The following NACC2 variants were observed in gnomAD, a reference collection of about 807,000 sequenced individuals.
NACC2 encodes NACC family member 2, also known as nucleus accumbens-associated protein 2.
NACC2 carries 8 observed loss-of-function variants against 25.1 expected under a neutral mutation model. That is an observed-to-expected ratio of 0.32 (90% CI 0.19 to 0.57). The LOEUF (loss-of-function observed/expected upper bound fraction) is 0.57, where lower values mean the gene tolerates loss of function less well. NACC2 is among the 20% of genes least tolerant of loss of function. The pLI is 0.89. For missense variants in NACC2, 644 were observed against 650.2 expected (o/e 0.99, Z 0.10); for synonymous variants, 435 against 294.7 (o/e 1.48, Z -4.88).
intron 2 of NACC2, among the ~76,000 whole-genome samples, chr9:136,033,036 C>T (rs1840496587): frequency 6.6e-6 from 1 of 151,730 alleles, no homozygotes; most frequent in African/African-American, 2.4e-5. Context: ...ATAAGTTGGG[C>T]ATGGTGGCAC....
At chr9:136,051,797 C>T (rs931868167) in intron 1 of NACC2, among the ~76,000 whole-genome samples, 3 of 152,014 alleles carry the variant, frequency 2.0e-5, no homozygotes, top group Middle Eastern at 3.2e-3. Flanking sequence ...TCCCCGCACG[C>T]AGCCCGCCTG....
intron 1 of NACC2, among the ~76,000 whole-genome samples, chr9:136,093,738 G>A (rs1830456507): frequency 6.6e-6 from 1 of 152,236 alleles, no homozygotes; most frequent in South Asian, 2.1e-4. Context: ...TTTAAGGGAG[G>A]GGCTGGGAAA....
At position 136,008,450 on chromosome 9, in the gene NACC2, A is replaced by C; in HGVS notation, c.*3066T>G. Reference sequence around the variant, plus strand: ...TGGAGATAACGTAGCTCTGTAATAGATTCTATATAGGATATGCGTATTGCT... The same window carrying C: ...TGGAGATAACGTAGCTCTGTAATAGCTTCTATATAGGATATGCGTATTGCT... On this transcript the variant is annotated 3_prime_UTR_variant, in exon 6 of 6. Transcript: ENST00000277554. The C allele has an allele frequency of 6.6e-6, 1 of 152,268 alleles. No individual in the cohort carries two copies. The highest frequency in any genetic ancestry group is 1.9e-4 in the East Asian group (1 of 5,200). The allele number at this position is 152,268 out of a possible 1,614,324, so 9.4% of individuals were successfully genotyped here. A position where few individuals can be genotyped will look rare whatever the true frequency, so the allele number is the denominator to read the frequency against.
chr9:136,022,428 G>T lies in NACC2; in HGVS notation c.887-5999C>A, dbSNP rs891648768. ...ACTTGCTTCCCAGCTCCCCGCCCAG[G>T]TGCCTCCTGATGGCCAGAGCCCAGG... On this transcript the variant is annotated intron_variant, in intron 2 of 5. Transcript: ENST00000277554. The surrounding 1 kb of genome is among the most constrained non-coding windows in gnomAD (Gnocchi z 4.4). Among the ~76,000 whole-genome samples the T allele has an allele frequency of 6.6e-6, 1 of 152,214 alleles. No homozygotes were observed. The highest frequency in any genetic ancestry group is 1.5e-5 in the Non-Finnish European group (1 of 68,030).
rs573052153 is a variant in NACC2 at position 136,087,647 on chromosome 9, G to A, written c.-60+7542C>T. Among the ~76,000 whole-genome samples, 114 of 152,306 alleles carry A rather than the reference G, an allele frequency of 7.5e-4. 1 individual carries two copies. The highest frequency in any genetic ancestry group is 1.2e-3 in the Non-Finnish European group (83 of 68,022). ...GAAAGCAGGATACGGTACCCCATTCGGAGCTCACAGCGGGAAAACTGAGAC... is the reference window on the plus strand; with the variant it reads ...GAAAGCAGGATACGGTACCCCATTCAGAGCTCACAGCGGGAAAACTGAGAC... On this transcript the variant is annotated intron_variant, in intron 1 of 5. Transcript: ENST00000277554.
chr9:136,086,143 T>A lies in NACC2; in HGVS notation c.-60+9046A>T, dbSNP rs962304302. 6.6e-5 allele frequency among the ~76,000 whole-genome samples: 10 copies of A among 152,238 alleles called. No individual in the cohort carries two copies. Among genetic ancestry groups the A allele is most frequent in the Non-Finnish European group, 1.3e-4 (9 of 68,028 alleles). Reference sequence around the variant, plus strand: ...ACCAAGTCACCCCTGGGGACCCTTGTTGGACATTCTAAAAACCTTCAGAAG... The same window carrying A: ...ACCAAGTCACCCCTGGGGACCCTTGATGGACATTCTAAAAACCTTCAGAAG... On this transcript the variant is annotated intron_variant, in intron 1 of 5. Transcript: ENST00000277554. The surrounding 1 kb of genome is among the most constrained non-coding windows in gnomAD (Gnocchi z 5.6).
At chr9:136,066,558 A>C (rs1303848394) in intron 1 of NACC2, among the ~76,000 whole-genome samples, 1 of 152,214 alleles carries the variant, frequency 6.6e-6, no homozygotes, top group African/African-American at 2.4e-5. Context: ...TGTTAGGGCC[A>C]CTTATGGAAA....
chr9:136,072,067 G>A (rs554689455), intron 1 of NACC2, among the ~76,000 whole-genome samples: 2 of 152,048 alleles, frequency 1.3e-5, no homozygotes, highest in South Asian at 2.1e-4. Flanking sequence ...GTGAAACCCC[G>A]TCTGTACTAG....
chr9:136,092,977 C>A (rs987572041), intron 1 of NACC2, among the ~76,000 whole-genome samples: 1 of 152,170 alleles, frequency 6.6e-6, no homozygotes. Flanking sequence ...TAGAACAGGG[C>A]TGGCTGAGGA....
rs746728669 is a variant in NACC2, at chr9:136,011,864, G to A, written c.1416C>T (p.Ser472=). ...GVEMYRTVMG[S]AAASVPLDPE... is the part of the protein sequence containing the mutation. Reference sequence around the variant, plus strand: ...GGTCGAGGGGCACGCTGGCGGCGGCGGAGCCCATGACCGTGCGGTACATCT... The same window carrying A: ...GGTCGAGGGGCACGCTGGCGGCGGCAGAGCCCATGACCGTGCGGTACATCT... Residue 472 remains serine (S), a synonymous_variant, in exon 6 of 6, where the codon TCC becomes TCT. Coordinates refer to ENST00000277554, the MANE Select transcript of NACC2 (RefSeq NM_144653.5). 61 of 1,564,348 alleles carry A rather than the reference G, an allele frequency of 3.9e-5. No individual in the cohort carries two copies. Among genetic ancestry groups the A allele is most frequent in the East Asian group, 2.4e-4 (10 of 41,854 alleles).
At chr9:136,035,673 C>T (rs1000382407) in intron 2 of NACC2, among the ~76,000 whole-genome samples, 2 of 150,868 alleles carry the variant, frequency 1.3e-5, no homozygotes, top group Non-Finnish European at 2.9e-5. Context: ...GAATTTTGCA[C>T]AGCGTACTGT....
At chr9:136,080,915 C>A (rs1402264430) in intron 1 of NACC2, among the ~76,000 whole-genome samples, 2 of 152,194 alleles carry the variant, frequency 1.3e-5, no homozygotes, top group Admixed American at 1.3e-4. Flanking sequence ...AAGCCCCAGC[C>A]GCTCGAGTAG....
chr9:136,021,862 C>T (rs1301176576), intron 2 of NACC2, among the ~76,000 whole-genome samples: 1 of 152,182 alleles, frequency 6.6e-6, no homozygotes, highest in African/African-American at 2.4e-5. Flanking sequence ...TACTGGTGAT[C>T]CCATTTGTAT....
chr9:136,053,615 G>C (rs1840881052), intron 1 of NACC2, among the ~76,000 whole-genome samples: 1 of 152,220 alleles, frequency 6.6e-6, no homozygotes, highest in African/African-American at 2.4e-5. Flanking sequence ...CCGGGCAGGG[G>C]GGTACAAGAG....
chr9:136,014,111 C>CA (rs2131132651), intron 3 of NACC2, 142 bp from the exon 4 acceptor site: 1 of 633,920 alleles, frequency 1.6e-6, no homozygotes, highest in Non-Finnish European at 2.7e-6. Flanking sequence ...TGGGGAGGAG[C>CA]AATTTGAGGT....
intron 2 of NACC2, among the ~76,000 whole-genome samples, chr9:136,038,822 C>T (rs1012493186): frequency 0.02 from 3,042 of 152,064 alleles, 94 homozygotes; most frequent in African/African-American, 0.067. Flanking sequence ...GAGATGCTAC[C>T]GTGCGGTCTA....
chr9:136,085,690 G>A (rs1390854325), intron 1 of NACC2, among the ~76,000 whole-genome samples: 1 of 152,162 alleles, frequency 6.6e-6, no homozygotes, highest in Non-Finnish European at 1.5e-5. Flanking sequence ...ATGCAGGGGA[G>A]GTTTACCTCA....
At chr9:136,032,542 A>C (rs74915977) in intron 2 of NACC2, among the ~76,000 whole-genome samples, 13 of 152,336 alleles carry the variant, frequency 8.5e-5, no homozygotes, top group African/African-American at 3.1e-4. Context: ...AGTTCTGGCC[A>C]GTTCAATGAG....
At position 136,049,703 on chromosome 9, in the gene NACC2, C is replaced by CTCG; in HGVS notation, c.816_818dup (p.Asp272dup). 2.6e-6 allele frequency: 2 copies of CTCG among 779,412 alleles called. No individual in the cohort carries two copies. Among genetic ancestry groups the CTCG allele is most frequent in the East Asian group, 2.4e-5 (1 of 41,156 alleles). The allele number at this position is 779,412 out of a possible 1,614,324, so 48.3% of individuals were successfully genotyped here. ...GCTCCTCCACCATGGTGTCGTAGGC[C>CTCG]TCGTCGTCCTCCTCGTCCTCCTCGT... On this transcript the variant is annotated inframe_insertion, in exon 2 of 6. Coordinates refer to ENST00000277554, the MANE Select transcript of NACC2 (RefSeq NM_144653.5).
Sources: allele counts gnomAD v4.1 joint callset (sites outside exome capture counted in the v4.1 genomes callset), GRCh38; gene constraint gnomAD v4.1.1; non-coding constraint Gnocchi (gnomAD v3.1); transcripts MANE v1.5; gene names NCBI Gene and HGNC (gene_info 2026-07-23, HGNC 2026-07-21).